Variants in MKLN1 observed in about 807,000 individuals in gnomAD.
MKLN1 encodes the protein muskelin.
A neutral mutation model predicts 99.0 loss-of-function variants in MKLN1; 18 were observed. The observed-to-expected ratio is 0.18, with a 90% CI of 0.13 to 0.27. The LOEUF (loss-of-function observed/expected upper bound fraction) is 0.27, where lower values mean the gene tolerates loss of function less well. Ranked by LOEUF, MKLN1 falls within the 10% of genes least tolerant of loss-of-function variation. MKLN1 has a pLI of 1.00. For missense variants in MKLN1, 621 were observed against 875.9 expected (o/e 0.71, Z 3.67); for synonymous variants, 288 against 293.2 (o/e 0.98, Z 0.18).
intron 3 of MKLN1, among the ~76,000 whole-genome samples, chr7:131,293,184 G>T (rs756029469): frequency 2.0e-5 from 3 of 152,162 alleles, no homozygotes; most frequent in Non-Finnish European, 4.4e-5. Flanking sequence ...TGCTAAGTGT[G>T]AGAGGCTAAT....
chr7:131,457,363 A>G (rs1366533252), intron 12 of MKLN1, among the ~76,000 whole-genome samples: 1 of 152,194 alleles, frequency 6.6e-6, no homozygotes, highest in Non-Finnish European at 1.5e-5. Flanking sequence ...GTAATATGAA[A>G]TAAGATCCAA....
At chr7:131,235,208 A>G (rs895127179) in intron 3 of MKLN1, among the ~76,000 whole-genome samples, 1 of 151,202 alleles carries the variant, frequency 6.6e-6, no homozygotes, top group Admixed American at 6.6e-5. Flanking sequence ...CTCTCCCTCT[A>G]TCTCTCTATC....
chr7:131,401,731 C>T (rs2116263966), intron 6 of MKLN1, among the ~76,000 whole-genome samples: 1 of 152,292 alleles, frequency 6.6e-6, no homozygotes, highest in African/African-American at 2.4e-5. Flanking sequence ...AAGCAAGTCA[C>T]AAATTTTATT....
At chr7:131,193,801 A>G (rs1262642454) in intron 2 of MKLN1, among the ~76,000 whole-genome samples, 1 of 151,794 alleles carries the variant, frequency 6.6e-6, no homozygotes, top group Non-Finnish European at 1.5e-5. Context: ...AAAATTTTTA[A>G]ATTTTTTGTA....
intron 3 of MKLN1, among the ~76,000 whole-genome samples, chr7:131,231,356 C>G (rs1040678937): frequency 1.3e-5 from 2 of 151,992 alleles, no homozygotes; most frequent in Admixed American, 1.3e-4. Flanking sequence ...TCGTTTCTTC[C>G]CCCTGTGTAT....
intron 16 of MKLN1, chr7:131,471,995 G>A (rs549287222): frequency 4.1e-4 from 63 of 152,366 alleles, no homozygotes; most frequent in African/African-American, 1.4e-3. Context: ...TAGAGAATCT[G>A]CAGGACATGC....
At chr7:131,421,865 A>G (rs1013079237) in intron 8 of MKLN1, among the ~76,000 whole-genome samples, 1 of 152,182 alleles carries the variant, frequency 6.6e-6, no homozygotes, top group Non-Finnish European at 1.5e-5. Context: ...AACCAATGTT[A>G]TTTTGGTATA....
At chr7:131,455,737 A>G (rs1796313305) in intron 12 of MKLN1, among the ~76,000 whole-genome samples, 1 of 152,132 alleles carries the variant, frequency 6.6e-6, no homozygotes, top group Non-Finnish European at 1.5e-5. Context: ...CTCCCCCGCA[A>G]ATATACCCAT....
Position 131,489,163 on chromosome 7 carries a change from A to G in MKLN1, c.*1435A>G, listed in dbSNP as rs1409411205. ...AAGAAGAAATTAACCTGCACTTTCA[A>G]AAAGTACCATGTATAGGAATGAAAC... On this transcript the variant is annotated 3_prime_UTR_variant, in exon 18 of 18. Coordinates refer to ENST00000352689, the MANE Select transcript of MKLN1 (RefSeq NM_013255.5). 6.6e-6 allele frequency: 1 copy of G among 152,180 alleles called. No individual in the cohort carries two copies. The highest frequency in any genetic ancestry group is 1.5e-5 in the Non-Finnish European group (1 of 68,022). The allele number at this position is 152,180 out of a possible 1,614,324, so 9.4% of individuals were successfully genotyped here. A position where few individuals can be genotyped will look rare whatever the true frequency, so the allele number is the denominator to read the frequency against.
At chr7:131,299,355 G>A (rs1798341756) in intron 3 of MKLN1, among the ~76,000 whole-genome samples, 1 of 152,056 alleles carries the variant, frequency 6.6e-6, no homozygotes, top group Non-Finnish European at 1.5e-5. Flanking sequence ...TCTGGTGAAG[G>A]TCAATGAACT....
intron 7 of MKLN1, among the ~76,000 whole-genome samples, chr7:131,411,905 TC>T (rs1794887813): frequency 5.2e-5 from 1 of 19,100 alleles, no homozygotes; most frequent in African/African-American, 2.2e-4. Flanking sequence ...AGATTCCATC[TC>T]AAAAAAAAAA....
intron 1 of MKLN1, among the ~76,000 whole-genome samples, chr7:131,130,966 T>G (rs1327633680): frequency 6.9e-6 from 1 of 145,398 alleles, no homozygotes; most frequent in African/African-American, 2.6e-5. Context: ...GTGGGAGGAT[T>G]GCTTGATTCC....
chr7:131,254,896 G>GA (rs1797636033), intron 3 of MKLN1, among the ~76,000 whole-genome samples: 1 of 151,812 alleles, frequency 6.6e-6, no homozygotes, highest in Non-Finnish European at 1.5e-5. Flanking sequence ...AACAATGGCT[G>GA]AAATTTTTTT....
upstream of MKLN1, among the ~76,000 whole-genome samples, chr7:131,322,946 C>T (rs1419482451): frequency 1.3e-5 from 2 of 152,212 alleles, no homozygotes; most frequent in East Asian, 1.9e-4. Flanking sequence ...GGGAAACTGC[C>T]TCCATGATCC....
chr7:131,375,167 A>G (rs1413624251), intron 1 of MKLN1, among the ~76,000 whole-genome samples: 1 of 152,174 alleles, frequency 6.6e-6, no homozygotes, highest in Middle Eastern at 3.2e-3. Context: ...AAGTATTAAT[A>G]TAACTTTTTA....
At chr7:131,247,079 T>C (rs538358201) in intron 3 of MKLN1, among the ~76,000 whole-genome samples, 1 of 152,086 alleles carries the variant, frequency 6.6e-6, no homozygotes, top group Non-Finnish European at 1.5e-5. Flanking sequence ...AAGTACAAGT[T>C]TTGTTTTGTT....
intron 17 of MKLN1, chr7:131,478,990 C>T: frequency 2.9e-6 from 1 of 342,512 alleles, no homozygotes; most frequent in Non-Finnish European, 5.3e-6. Context: ...TACTGATACA[C>T]ACTATGAGAT....
chr7:131,341,743 A>G (rs1026739535), intron 1 of MKLN1, among the ~76,000 whole-genome samples: 4 of 152,246 alleles, frequency 2.6e-5, no homozygotes, highest in Non-Finnish European at 4.4e-5. Context: ...CAAAACAGCA[A>G]CAACAACAGT....
intron 3 of MKLN1, among the ~76,000 whole-genome samples, chr7:131,229,140 C>T (rs775531870): frequency 6.7e-5 from 10 of 148,238 alleles, no homozygotes; most frequent in South Asian, 2.2e-4. Context: ...GGGCTTAAGC[C>T]GTAGGTGGGT....
Sources: allele counts gnomAD v4.1 joint callset (sites outside exome capture counted in the v4.1 genomes callset), GRCh38; gene constraint gnomAD v4.1.1; transcripts MANE v1.5; gene names NCBI Gene and HGNC (gene_info 2026-07-23, HGNC 2026-07-21).